The following RIOK2 variants were observed in gnomAD, a reference collection of about 807,000 sequenced individuals.
RIOK2 encodes the protein serine/threonine-protein kinase RIO2.
RIOK2 carries 46 observed loss-of-function variants against 62.4 expected under a neutral mutation model. The observed-to-expected ratio is 0.74, with a 90% CI of 0.58 to 0.94. The LOEUF is 0.94. Among genes scored for constraint, RIOK2 ranks in the 40% least tolerant of loss-of-function variants. The probability of loss-of-function intolerance (pLI) is 0.00; values close to 1 mark genes in which losing one functional copy is unlikely to be tolerated. For missense variants in RIOK2, 574 were observed against 658.0 expected (o/e 0.87, Z 1.40); for synonymous variants, 197 against 216.0 (o/e 0.91, Z 0.77).
At chr5:97,166,946 T>C (rs1420010696) in intron 8 of RIOK2, 1 of 905,198 alleles carries the variant, frequency 1.1e-6, no homozygotes, top group Non-Finnish European at 1.3e-6. Flanking sequence ...ACGGAGTTTT[T>C]TGCTCGTCAC....
intron 1 of RIOK2, among the ~76,000 whole-genome samples, chr5:97,182,047 T>TCCTA (rs1409641419): frequency 1.3e-5 from 2 of 152,216 alleles, no homozygotes; most frequent in African/African-American, 4.8e-5. Flanking sequence ...ACATCGCATA[T>TCCTA]CCTATTACAT....
chr5:97,179,013 C>T (rs62377109), intron 2 of RIOK2, 42 bp downstream of exon 2: 1 of 1,611,892 alleles, frequency 6.2e-7, no homozygotes, highest in Non-Finnish European at 8.5e-7. Context: ...TGGTGGAAAC[C>T]AATTACCTGA....
intron 8 of RIOK2, among the ~76,000 whole-genome samples, chr5:97,165,754 AAAT>A (rs1279751908): frequency 5.9e-5 from 9 of 152,328 alleles, no homozygotes; most frequent in African/African-American, 2.2e-4. Context: ...AGTGGGAACA[AAAT>A]TATTGTTCCC....
chr5:97,170,259 G>C (rs779913898), intron 6 of RIOK2, among the ~76,000 whole-genome samples: 7 of 152,148 alleles, frequency 4.6e-5, no homozygotes, highest in Non-Finnish European at 8.8e-5. Flanking sequence ...AAAGGATAAG[G>C]TCCTGTTTCA....
chr5:97,173,349 C>CAA (rs1423967207), intron 4 of RIOK2, 86 bp from the exon 5 acceptor site: 13 of 776,520 alleles, frequency 1.7e-5, no homozygotes, highest in South Asian at 3.7e-5. Context: ...TTTCTACAAC[C>CAA]AGAAAAAAAA....
intron 7 of RIOK2, among the ~76,000 whole-genome samples, 182 bp from the exon 8 acceptor site, chr5:97,168,173 A>G (rs751197443): frequency 5.2e-4 from 79 of 152,368 alleles, no homozygotes; most frequent in Admixed American, 1.3e-3. Flanking sequence ...TGAAAGGTAT[A>G]TGCTGGCTGT....
chr5:97,177,878 A>G, intron 2 of RIOK2, 30 bp from the exon 3 acceptor site: 15 of 1,378,514 alleles, frequency 1.1e-5, no homozygotes, highest in Non-Finnish European at 1.5e-5. Flanking sequence ...TAAAGACCAT[A>G]TTTCAGTTAC....
chr5:97,173,084 T>C (rs1281166597), intron 5 of RIOK2, 91 bp downstream of exon 5: 3 of 829,160 alleles, frequency 3.6e-6, no homozygotes, highest in African/African-American at 1.7e-5. Context: ...CCAGAGGCAA[T>C]ATTTCATTAA....
chr5:97,165,485 C>CCTAT (rs753373449), intron 8 of RIOK2, among the ~76,000 whole-genome samples: 4 of 152,058 alleles, frequency 2.6e-5, no homozygotes, highest in Non-Finnish European at 1.5e-5. Flanking sequence ...TCTGTCTCTC[C>CCTAT]CTATCTAAAT....
At chr5:97,176,544 G>A (rs1749167230) in intron 4 of RIOK2, among the ~76,000 whole-genome samples, 1 of 152,128 alleles carries the variant, frequency 6.6e-6, no homozygotes, top group Non-Finnish European at 1.5e-5. Flanking sequence ...GTTTCACCTT[G>A]TTGGTCAGGC....
Position 97,161,972 on chromosome 5 carries a change from A to G in RIOK2, c.*1089T>C, listed in dbSNP as rs1239552150. ...TTTCTAGCTTCTATATATTTAAGCCAATTTATTAGATAATTACAGGTCTTG... is the reference window on the plus strand; with the variant it reads ...TTTCTAGCTTCTATATATTTAAGCCGATTTATTAGATAATTACAGGTCTTG... On this transcript the variant is annotated 3_prime_UTR_variant, in exon 10 of 10. Coordinates refer to ENST00000283109, the MANE Select transcript of RIOK2 (RefSeq NM_018343.3). The G allele has an allele frequency of 3.9e-5, 6 of 152,144 alleles. No individual in the cohort carries two copies. The highest frequency in any genetic ancestry group is 7.4e-5 in the Non-Finnish European group (5 of 68,026). 9.4% of individuals were successfully genotyped at this position (152,144 alleles called of 1,614,324 possible).
intron 7 of RIOK2, 105 bp from the exon 8 acceptor site, chr5:97,168,096 C>T (rs932654493): frequency 8.8e-7 from 1 of 1,140,156 alleles, no homozygotes; most frequent in Middle Eastern, 2.2e-4. Context: ...AGTTTAATAG[C>T]TTATATGTTA....
Position 97,163,107 on chromosome 5 carries a change from TG to T in RIOK2, c.1612del (p.Gln538LysfsTer36). ...TGCTTCCAAACTTGATTTGATATTTTGCATGTTTTCCCTACGTTGCTTGGTA... is the reference window on the plus strand; with the variant it reads ...TGCTTCCAAACTTGATTTGATATTTTCATGTTTTCCCTACGTTGCTTGGTA... ...IFTKQRRENM[Q>X]NIKSSLEAAS... On this transcript the variant is annotated frameshift_variant, in exon 10 of 10. Transcript: ENST00000283109. LOFTEE classifies it high-confidence loss of function. 3.1e-6 allele frequency: 5 copies of T among 1,613,488 alleles called. No homozygotes were observed. The highest frequency in any genetic ancestry group is 1.7e-5 in the Admixed American group (1 of 60,020).
Position 97,171,155 on chromosome 5 carries a change from G to A in RIOK2, c.779+51C>T, listed in dbSNP as rs530784136. The A allele has an allele frequency of 2.6e-5, 32 of 1,249,438 alleles. No individual in the cohort carries two copies. The African/African-American group carries it at 3.6e-4, about 14-fold the overall frequency. The allele number at this position is 1,249,438 out of a possible 1,614,324, so 77.4% of individuals were successfully genotyped here. ...CAGCTTGGGCAACAAGCAAAACTCC[G>A]TCTCCAAAAAAATAAAATAAAATAA... On this transcript the variant is annotated intron_variant, in intron 6 of 9. Transcript: ENST00000283109.
chr5:97,173,317 G>A, intron 4 of RIOK2, 54 bp from the exon 5 acceptor site: 1 of 1,139,482 alleles, frequency 8.8e-7, no homozygotes, highest in Non-Finnish European at 1.3e-6. Flanking sequence ...ACTCTTTAAA[G>A]AACAATAAAA....
At chr5:97,176,559 C>T (rs374417134) in intron 4 of RIOK2, among the ~76,000 whole-genome samples, 1 of 152,126 alleles carries the variant, frequency 6.6e-6, no homozygotes, top group Non-Finnish European at 1.5e-5. Context: ...TCAGGCTGGG[C>T]TCCTTACCTC....
chr5:97,180,823 G>A (rs971040423), intron 1 of RIOK2, among the ~76,000 whole-genome samples: 8 of 151,966 alleles, frequency 5.3e-5, no homozygotes, highest in Admixed American at 2.6e-4. Context: ...AGATGTGGAA[G>A]GGTAAAGGGA....
intron 2 of RIOK2, 28 bp from the exon 3 acceptor site, chr5:97,177,876 A>G: frequency 1.4e-6 from 2 of 1,393,326 alleles, no homozygotes; most frequent in South Asian, 1.2e-5. Flanking sequence ...CATAAAGACC[A>G]TATTTCAGTT....
chr5:97,173,300 G>T, intron 4 of RIOK2, 37 bp from the exon 5 acceptor site: 2 of 1,268,342 alleles, frequency 1.6e-6, no homozygotes, highest in Non-Finnish European at 2.3e-6. Flanking sequence ...CTAATGAACA[G>T]GTCATTACTC....
Sources: allele counts gnomAD v4.1 joint callset (sites outside exome capture counted in the v4.1 genomes callset), GRCh38; gene constraint gnomAD v4.1.1; transcripts MANE v1.5; gene names NCBI Gene and HGNC (gene_info 2026-07-23, HGNC 2026-07-21).